RANBP9: variants seen among roughly 807,000 people sequenced by gnomAD.
RANBP9 encodes the protein RAN binding protein 9, also known as ran-binding protein 9.
In RANBP9, 15 loss-of-function variants were observed where a neutral mutation model predicts 84.3. That is an observed-to-expected ratio of 0.18 (90% CI 0.12 to 0.27). The LOEUF is 0.27. RANBP9 is among the 10% of genes least tolerant of loss of function. The pLI, the probability that RANBP9 is intolerant of heterozygous loss-of-function variation, is 1.00. For missense variants in RANBP9, 809 were observed against 912.8 expected (o/e 0.89, Z 1.46); for synonymous variants, 392 against 349.6 (o/e 1.12, Z -1.35).
At chr6:13,629,953 A>C (rs1182544554) in intron 12 of RANBP9, among the ~76,000 whole-genome samples, 1 of 147,338 alleles carries the variant, frequency 6.8e-6, no homozygotes, top group East Asian at 2.0e-4. Flanking sequence ...TATTTGCATG[A>C]ACTTCTGAGT....
At chr6:13,702,148 A>G (rs1320413925) in intron 1 of RANBP9, among the ~76,000 whole-genome samples, 1 of 152,172 alleles carries the variant, frequency 6.6e-6, no homozygotes, top group Non-Finnish European at 1.5e-5. Flanking sequence ...TTTTACCTTA[A>G]AAGTAATAAC....
chr6:13,696,432 C>A (rs1349427338), intron 2 of RANBP9, among the ~76,000 whole-genome samples: 1 of 152,150 alleles, frequency 6.6e-6, no homozygotes, highest in Non-Finnish European at 1.5e-5. Flanking sequence ...CTATGAATCA[C>A]CAACTGACTA....
chr6:13,677,954 C>T (rs995428409), intron 2 of RANBP9, among the ~76,000 whole-genome samples: 8 of 151,960 alleles, frequency 5.3e-5, no homozygotes, highest in Admixed American at 4.6e-4. Flanking sequence ...CCCGTCTCTA[C>T]ATAAAATATA....
chr6:13,664,704 T>C (rs528229371), intron 2 of RANBP9, among the ~76,000 whole-genome samples: 8 of 152,266 alleles, frequency 5.3e-5, no homozygotes, highest in African/African-American at 1.7e-4. Context: ...TTTACAATTA[T>C]ATGAATGTAT....
At chr6:13,670,508 C>A (rs1188124605) in intron 2 of RANBP9, among the ~76,000 whole-genome samples, 1 of 151,802 alleles carries the variant, frequency 6.6e-6, no homozygotes, top group African/African-American at 2.4e-5. Context: ...AAAAAATAGA[C>A]AAACTAGGCC....
In RANBP9 at chr6:13,710,987, G is replaced by C; in HGVS notation, c.519C>G (p.Asp173Glu). 6.2e-7 allele frequency: 1 copy of C among 1,610,196 alleles called. No individual in the cohort carries two copies. The change falls in exon 1 of 14, where the codon GAC (aspartate) becomes GAG (glutamate). Residue 173 changes from aspartate (D) to glutamate (E), a missense_variant. Physicochemically the swap from Asp to Glu is conservative, Grantham distance 45. Around this residue, in one of 5 missense-constraint regions of RANBP9, gnomAD observed 302 missense variants for 240.1 expected, o/e 1.26. Transcript: ENST00000011619. ...TPLPRSWSPK[D>E]KFSYIGLSQN... Reference sequence around the variant, plus strand: ...GAGAGAGGCCGATGTAGCTGAACTTGTCCTTCGGGCTCCAGGACCGAGGCA... The same window carrying C: ...GAGAGAGGCCGATGTAGCTGAACTTCTCCTTCGGGCTCCAGGACCGAGGCA...
rs146316834 is a variant in RANBP9 at position 13,680,504 on chromosome 6, G to A, written c.683+16281C>T. Among the ~76,000 whole-genome samples the A allele has an allele frequency of 3.6e-3, 552 of 152,264 alleles. 3 individuals are homozygous for A. Among genetic ancestry groups the A allele is most frequent in the African/African-American group, 0.013 (525 of 41,552 alleles). ...TGTAATCCCAGCACTTTGGGAAGCT[G>A]AGGTGGGAAGATCATCACTTGAGCC... On this transcript the variant is annotated intron_variant, in intron 2 of 13. Transcript: ENST00000011619.
rs146763457 is a variant in RANBP9, at chr6:13,660,929, A to G, written c.684-2097T>C. Reference sequence around the variant, plus strand: ...AAGTCACAAGAAGATGAGAAGAAACACAAGGCTGTGAATGGGGATATAAGC... The same window carrying G: ...AAGTCACAAGAAGATGAGAAGAAACGCAAGGCTGTGAATGGGGATATAAGC... On this transcript the variant is annotated intron_variant, in intron 2 of 13. Transcript: ENST00000011619. 2.7e-3 allele frequency among the ~76,000 whole-genome samples: 410 copies of G among 152,360 alleles called. 2 individuals are homozygous for G. The highest frequency in any genetic ancestry group is 9.6e-3 in the African/African-American group (399 of 41,586).
chr6:13,710,350 TTC>T (rs1447727475), intron 1 of RANBP9, among the ~76,000 whole-genome samples: 1 of 152,162 alleles, frequency 6.6e-6, no homozygotes, highest in Non-Finnish European at 1.5e-5. Flanking sequence ...TGGGGTTCCC[TTC>T]TCTTACCCTC....
Position 13,711,041 on chromosome 6 carries a change from G to A in RANBP9, c.465C>T (p.Tyr155=), listed in dbSNP as rs375886286. ...GCGTCTCTTGTTCGTCCACGGCCGGGTAGAGACGCTTCAGCCGCCGCTGCA... is the reference window on the plus strand; with the variant it reads ...GCGTCTCTTGTTCGTCCACGGCCGGATAGAGACGCTTCAGCCGCCGCTGCA... ...KELQRRLKRL[Y]PAVDEQETPL... The change falls in exon 1 of 14, where the codon TAC becomes TAT. Residue 155 remains tyrosine, a synonymous_variant. Transcript: ENST00000011619. 6 of 1,595,032 alleles carry A rather than the reference G, an allele frequency of 3.8e-6. No individual in the cohort carries two copies. The highest frequency in any genetic ancestry group is 1.3e-5 in the African/African-American group (1 of 74,452).
At chr6:13,664,020 C>T (rs1765591475) in intron 2 of RANBP9, among the ~76,000 whole-genome samples, 1 of 152,020 alleles carries the variant, frequency 6.6e-6, no homozygotes, top group Admixed American at 6.6e-5. Flanking sequence ...ACTACAAATC[C>T]TAGCCATTTC....
At chr6:13,671,042 T>C (rs963504445) in intron 2 of RANBP9, among the ~76,000 whole-genome samples, 2 of 152,118 alleles carry the variant, frequency 1.3e-5, no homozygotes, top group African/African-American at 4.8e-5. Flanking sequence ...TCTTCAAAGA[T>C]GTATAAATGT....
intron 2 of RANBP9, among the ~76,000 whole-genome samples, chr6:13,671,384 T>A (rs1765774955): frequency 6.6e-6 from 1 of 152,196 alleles, no homozygotes; most frequent in African/African-American, 2.4e-5. Context: ...AGTCAAAAAG[T>A]GTTTCCACCA....
At chr6:13,708,587 ATAG>A (rs1758189239) in intron 1 of RANBP9, among the ~76,000 whole-genome samples, 1 of 152,228 alleles carries the variant, frequency 6.6e-6, no homozygotes, top group Admixed American at 6.5e-5. Flanking sequence ...GAATATATGA[ATAG>A]TAGTTTTTAC....
rs1329018251 is a variant in RANBP9 at position 13,657,144 on chromosome 6, T to C, written c.869A>G (p.Asn290Ser). The change falls in exon 4 of 14, where the codon AAT becomes AGT. Residue 290 changes from asparagine to serine, a missense_variant. Transcript: ENST00000011619. ...TCCATTCTTGGTGTAAAAGCAGGTATTGTTGATAAGATTAACACAACAGCC... is the reference window on the plus strand; with the variant it reads ...TCCATTCTTGGTGTAAAAGCAGGTACTGTTGATAAGATTAACACAACAGCC... ...VIGCCVNLINNTCFYTKNGHS... is the reference protein window; with the variant it reads ...VIGCCVNLINSTCFYTKNGHS... The C allele has an allele frequency of 1.9e-6, 3 of 1,612,434 alleles. No individual in the cohort carries two copies. The highest frequency in any genetic ancestry group is 1.3e-5 in the African/African-American group (1 of 74,918).
At chr6:13,655,537 T>C (rs574095765) in intron 4 of RANBP9, among the ~76,000 whole-genome samples, 18 of 152,126 alleles carry the variant, frequency 1.2e-4, no homozygotes, top group Non-Finnish European at 2.5e-4. Context: ...GTGCACCTTT[T>C]TAAAGACACA....
chr6:13,625,994 C>T (rs187974165), intron 12 of RANBP9, among the ~76,000 whole-genome samples: 1 of 152,274 alleles, frequency 6.6e-6, no homozygotes, highest in East Asian at 1.9e-4. Flanking sequence ...CATTCAACTT[C>T]CTCCCATCCC....
chr6:13,639,516 T>C (rs2127764429), intron 9 of RANBP9, 47 bp downstream of exon 9: 1 of 1,533,292 alleles, frequency 6.5e-7, no homozygotes, highest in Non-Finnish European at 9.0e-7. Context: ...AGGTTTAAGA[T>C]TATAAAGAGG....
chr6:13,686,281 T>G (rs1489783892), intron 2 of RANBP9, among the ~76,000 whole-genome samples: 1 of 151,538 alleles, frequency 6.6e-6, no homozygotes, highest in Non-Finnish European at 1.5e-5. Context: ...ATTTTATTAT[T>G]TTTATTTATT....
Sources: gnomAD v4.1 joint callset for allele counts (sites outside exome capture counted in the v4.1 genomes callset) on GRCh38, gnomAD v4.1.1 for gene constraint, gnomAD v4.1.1 regional missense constraint, MANE v1.5 for transcripts, NCBI Gene and HGNC (gene_info 2026-07-23, HGNC 2026-07-21) for gene names.